NAV2: variants seen among roughly 807,000 people sequenced by gnomAD.
NAV2 encodes helicase, APC down-regulated 1.
NAV2 carries 54 observed loss-of-function variants against 223.2 expected under a neutral mutation model. The ratio of observed to expected loss-of-function variants is 0.24; its 90% CI spans 0.19 to 0.30. NAV2 has a LOEUF of 0.30. Ranked by LOEUF, NAV2 falls within the 10% of genes least tolerant of loss-of-function variation. NAV2 has a pLI of 1.00. For missense variants in NAV2, 2,806 were observed against 3,147.5 expected (o/e 0.89, Z 2.60); for synonymous variants, 1,279 against 1,239.3 (o/e 1.03, Z -0.67).
At chr11:19,997,964 G>T (rs892383967) in intron 11 of NAV2, among the ~76,000 whole-genome samples, 2 of 152,016 alleles carry the variant, frequency 1.3e-5, no homozygotes, top group Non-Finnish European at 2.9e-5. Context: ...ACCATGTTTT[G>T]TTCTCTGGTA....
intron 1 of NAV2, among the ~76,000 whole-genome samples, chr11:19,421,965 C>T (rs912775067): frequency 6.6e-6 from 1 of 152,112 alleles, no homozygotes; most frequent in African/African-American, 2.4e-5. Context: ...CACCTAGTGT[C>T]TCTGAGCAAC....
At chr11:19,762,776 G>A (rs780443147) in intron 1 of NAV2, among the ~76,000 whole-genome samples, 1 of 151,948 alleles carries the variant, frequency 6.6e-6, no homozygotes, top group Non-Finnish European at 1.5e-5. Flanking sequence ...AACACACCCA[G>A]CTAATTTTTG....
At chr11:20,047,423 T>G (rs1477081695) in intron 14 of NAV2, among the ~76,000 whole-genome samples, 2 of 152,220 alleles carry the variant, frequency 1.3e-5, no homozygotes, top group African/African-American at 4.8e-5. Flanking sequence ...CTTCAAATGA[T>G]TTCAAGGACT....
intron 1 of NAV2, among the ~76,000 whole-genome samples, chr11:19,542,620 A>G (rs2044370568): frequency 6.6e-6 from 1 of 152,250 alleles, no homozygotes; most frequent in Admixed American, 6.5e-5. Flanking sequence ...CATTTTAGAG[A>G]TGAGGACCCC....
chr11:19,831,847 T>G (rs11025279), intron 1 of NAV2, among the ~76,000 whole-genome samples: 64,186 of 152,090 alleles, frequency 0.42, 14,826 homozygotes, highest in African/African-American at 0.62. Flanking sequence ...GGAATTTGCT[T>G]GGTTTTGTTC....
intron 5 of NAV2, among the ~76,000 whole-genome samples, chr11:19,882,728 T>A (rs2063293236): frequency 6.6e-6 from 1 of 152,208 alleles, no homozygotes; most frequent in Admixed American, 6.5e-5. Flanking sequence ...CAAACTTACT[T>A]GAGTCAGGTT....
chr11:19,558,913 G>A (rs2044999059), intron 1 of NAV2, among the ~76,000 whole-genome samples: 1 of 152,174 alleles, frequency 6.6e-6, no homozygotes, highest in African/African-American at 2.4e-5. Context: ...AAGTGTGTTT[G>A]CCCTATACAT....
intron 1 of NAV2, among the ~76,000 whole-genome samples, chr11:19,812,354 C>T (rs1399029431): frequency 6.6e-6 from 1 of 151,902 alleles, no homozygotes; most frequent in Non-Finnish European, 1.5e-5. Flanking sequence ...CCACATTATC[C>T]CTCCACTCCT....
At chr11:20,117,164 A>G (rs1268914131) in intron 37 of NAV2, among the ~76,000 whole-genome samples, 3 of 152,182 alleles carry the variant, frequency 2.0e-5, no homozygotes, top group Non-Finnish European at 2.9e-5. Context: ...TACTTCCTAT[A>G]TGAAATATAA....
intron 1 of NAV2, among the ~76,000 whole-genome samples, chr11:19,562,684 A>AT (rs11432525): frequency 0.034 from 5,174 of 152,256 alleles, 283 homozygotes; most frequent in African/African-American, 0.11. Flanking sequence ...CTAATGCCTC[A>AT]TTGTGAAGAG....
intron 1 of NAV2, among the ~76,000 whole-genome samples, chr11:19,665,411 C>G (rs1341383829): frequency 1.3e-5 from 2 of 152,164 alleles, no homozygotes; most frequent in East Asian, 3.8e-4. Flanking sequence ...GCCTGACATC[C>G]CTTCTGGAGC....
chr11:19,464,163 C>T (rs992963539), intron 1 of NAV2, among the ~76,000 whole-genome samples: 2 of 152,110 alleles, frequency 1.3e-5, no homozygotes, highest in Admixed American at 1.3e-4. Flanking sequence ...CCCAGAGCAC[C>T]CGTTTCCATC....
chr11:19,889,590 C>T (rs144877068), intron 5 of NAV2, among the ~76,000 whole-genome samples: 2 of 152,340 alleles, frequency 1.3e-5, no homozygotes, highest in Non-Finnish European at 2.9e-5. Context: ...ACTCCTTCTC[C>T]ATGTCCCAAA....
At chr11:19,807,890 A>G (rs934887564) in intron 1 of NAV2, among the ~76,000 whole-genome samples, 8 of 152,158 alleles carry the variant, frequency 5.3e-5, no homozygotes, top group African/African-American at 1.9e-4. Context: ...CATTTTGCAT[A>G]TTTGTCCTGT....
rs115769899 is a variant in NAV2 at position 19,961,092 on chromosome 11, C to G, written c.2645+12012C>G. On this transcript the variant is annotated intron_variant, in intron 10 of 37. Transcript: ENST00000349880. ...CATCTAGAAAACCAAATCCATATTT[C>G]TTTTCTTTTTTTAATTTAAAATTTT... is the stretch of plus-strand genomic sequence containing the variant. Among the ~76,000 whole-genome samples, 1,486 of 152,082 alleles carry G rather than the reference C, an allele frequency of 9.8e-3. 20 individuals are homozygous for G. Among genetic ancestry groups the G allele is most frequent in the African/African-American group, 0.034 (1,423 of 41,478 alleles).
intron 11 of NAV2, 29 bp downstream of exon 11, chr11:19,984,276 G>T: frequency 2.5e-6 from 4 of 1,612,218 alleles, no homozygotes; most frequent in Non-Finnish European, 3.4e-6. Flanking sequence ...GGGCTGGTCA[G>T]ATGCAGAGGT....
chr11:19,908,292 C>T (rs1463173462), intron 6 of NAV2, among the ~76,000 whole-genome samples: 1 of 152,074 alleles, frequency 6.6e-6, no homozygotes, highest in Non-Finnish European at 1.5e-5. Context: ...GGTGTGGGAG[C>T]TCTCAGGGCA....
chr11:19,615,004 T>C (rs538156199), intron 1 of NAV2, among the ~76,000 whole-genome samples: 2 of 152,248 alleles, frequency 1.3e-5, no homozygotes, highest in Non-Finnish European at 2.9e-5. Flanking sequence ...CTCAAAATTA[T>C]GCCCAAGAGA....
intron 6 of NAV2, among the ~76,000 whole-genome samples, chr11:19,902,166 G>C (rs1591154645): frequency 6.6e-6 from 1 of 152,180 alleles, no homozygotes; most frequent in Non-Finnish European, 1.5e-5. Context: ...CTCCACCCTA[G>C]CTTTTGTCCT....
Sources: gnomAD v4.1 joint callset for allele counts (sites outside exome capture counted in the v4.1 genomes callset) on GRCh38, gnomAD v4.1.1 for gene constraint, MANE v1.5 for transcripts, NCBI Gene and HGNC (gene_info 2026-07-23, HGNC 2026-07-21) for gene names.